The following TSHZ2 variants were observed in gnomAD, a reference collection of about 807,000 sequenced individuals.
The protein encoded by TSHZ2 is teashirt homolog 2.
Under a neutral mutation model 74.4 loss-of-function variants are expected in TSHZ2, and 21 were observed. The ratio of observed to expected loss-of-function variants is 0.28; its 90% CI spans 0.20 to 0.41. TSHZ2 has a LOEUF of 0.41. Among genes scored for constraint, TSHZ2 ranks in the 10% least tolerant of loss-of-function variants. TSHZ2 has a pLI of 1.00. For missense variants in TSHZ2, 1,244 were observed against 1,293.5 expected (o/e 0.96, Z 0.59); for synonymous variants, 540 against 515.3 (o/e 1.05, Z -0.65).
chr20:53,025,299 A>G (rs1983398475), intron 1 of TSHZ2, among the ~76,000 whole-genome samples: 1 of 152,132 alleles, frequency 6.6e-6, no homozygotes, highest in South Asian at 2.1e-4. Context: ...ATAATTTTTG[A>G]AGATCTTGGT....
intron 1 of TSHZ2, among the ~76,000 whole-genome samples, chr20:53,043,516 A>G (rs1237169788): frequency 6.6e-6 from 1 of 152,156 alleles, no homozygotes; most frequent in Non-Finnish European, 1.5e-5. Flanking sequence ...GTCTGAGTTT[A>G]TTATAATAAG....
intron 1 of TSHZ2, among the ~76,000 whole-genome samples, chr20:53,158,142 G>A (rs1244390636): frequency 6.6e-6 from 1 of 152,300 alleles, no homozygotes; most frequent in South Asian, 2.1e-4. Flanking sequence ...GAAGAAAACA[G>A]CCAAGACCCG....
rs556100597 is a variant in TSHZ2, at chr20:53,159,524, A to T, written c.41-93975A>T. ...ATGTTCTAGATAGAAAAAAAAATGAAGTACATCAAAGAGAATAAGTTATAG... is the reference window on the plus strand; with the variant it reads ...ATGTTCTAGATAGAAAAAAAAATGATGTACATCAAAGAGAATAAGTTATAG... On this transcript the variant is annotated intron_variant, in intron 1 of 2. Coordinates refer to ENST00000371497, the MANE Select transcript of TSHZ2 (RefSeq NM_173485.6). 2.0e-5 allele frequency among the ~76,000 whole-genome samples: 3 copies of T among 152,334 alleles called. No individual in the cohort carries two copies. In the East Asian group the frequency reaches 5.8e-4, roughly 29 times the overall value.
intron 1 of TSHZ2, among the ~76,000 whole-genome samples, chr20:53,143,253 A>C (rs1401922943): frequency 1.3e-5 from 2 of 152,218 alleles, no homozygotes; most frequent in African/African-American, 4.8e-5. Context: ...TACCACGTTT[A>C]CTAAATTCTG....
At chr20:53,412,583 G>A (rs1983091704) in intron 2 of TSHZ2, 1 of 152,222 alleles carries the variant, frequency 6.6e-6, no homozygotes, top group Non-Finnish European at 1.5e-5. Flanking sequence ...GGTTCCCTCT[G>A]GGCCGCCACT....
chr20:53,455,349 G>C (rs78550398), intron 2 of TSHZ2: 11,423 of 152,142 alleles, frequency 0.075, 535 homozygotes, highest in South Asian at 0.22. Context: ...TATCTGTCTT[G>C]TTCCTTGGTG....
At chr20:53,332,094 T>A (rs1269314132) in intron 2 of TSHZ2, among the ~76,000 whole-genome samples, 1 of 152,056 alleles carries the variant, frequency 6.6e-6, no homozygotes, top group Non-Finnish European at 1.5e-5. Context: ...GAAGGGCAGA[T>A]GAACTGGAGC....
chr20:53,036,582 A>G (rs1033439121), intron 1 of TSHZ2, among the ~76,000 whole-genome samples: 1 of 149,600 alleles, frequency 6.7e-6, no homozygotes, highest in Non-Finnish European at 1.5e-5. Flanking sequence ...GTAAAAATGT[A>G]TTCTACATTT....
At chr20:53,124,928 CACTCA>C (rs1336707198) in intron 1 of TSHZ2, among the ~76,000 whole-genome samples, 1 of 152,204 alleles carries the variant, frequency 6.6e-6, no homozygotes, top group Non-Finnish European at 1.5e-5. Context: ...ATGCAACAAC[CACTCA>C]ACTCTGCTGC....
At chr20:53,147,948 T>C (rs1432638712) in intron 1 of TSHZ2, among the ~76,000 whole-genome samples, 1 of 152,172 alleles carries the variant, frequency 6.6e-6, no homozygotes, top group Non-Finnish European at 1.5e-5. Context: ...ATTCCTGACC[T>C]TGCGATCTGC....
intron 1 of TSHZ2, among the ~76,000 whole-genome samples, chr20:53,181,959 A>G (rs1988479995): frequency 6.6e-6 from 1 of 152,234 alleles, no homozygotes; most frequent in South Asian, 2.1e-4. Context: ...TAGGTGAAGA[A>G]GTGATGGTAG....
At chr20:53,030,532 T>G (rs1983597393) in intron 1 of TSHZ2, among the ~76,000 whole-genome samples, 1 of 152,170 alleles carries the variant, frequency 6.6e-6, no homozygotes, top group Non-Finnish European at 1.5e-5. Context: ...GGTCAATTTT[T>G]TATATCATGG....
At chr20:53,266,270 G>A (rs893991676) in intron 2 of TSHZ2, among the ~76,000 whole-genome samples, 5 of 152,072 alleles carry the variant, frequency 3.3e-5, no homozygotes, top group African/African-American at 1.2e-4. Context: ...ATGAAGGAGG[G>A]ACACAGCATG....
intron 1 of TSHZ2, among the ~76,000 whole-genome samples, chr20:53,226,984 C>T (rs1266663837): frequency 2.0e-5 from 3 of 152,074 alleles, no homozygotes; most frequent in African/African-American, 4.8e-5. Context: ...TTTGTGGTCA[C>T]GGAAGTATCA....
intron 1 of TSHZ2, among the ~76,000 whole-genome samples, chr20:53,215,049 A>C (rs1466913135): frequency 6.6e-6 from 1 of 152,220 alleles, no homozygotes; most frequent in Non-Finnish European, 1.5e-5. Flanking sequence ...GGCGGGACCC[A>C]TAGGCTAATG....
At chr20:53,217,305 G>A (rs1048916604) in intron 1 of TSHZ2, among the ~76,000 whole-genome samples, 1 of 152,172 alleles carries the variant, frequency 6.6e-6, no homozygotes, top group Non-Finnish European at 1.5e-5. Context: ...TGGGCGCTCA[G>A]GGAGCAGAAG....
chr20:53,050,103 G>GTGTATA (rs1555819290), intron 1 of TSHZ2, among the ~76,000 whole-genome samples: 12 of 116,058 alleles, frequency 1.0e-4, no homozygotes, highest in African/African-American at 4.3e-4. Context: ...GTATATGTGT[G>GTGTATA]TATATATATA....
chr20:53,370,038 G>C (rs952561332), intron 2 of TSHZ2, among the ~76,000 whole-genome samples: 2 of 152,098 alleles, frequency 1.3e-5, no homozygotes, highest in Non-Finnish European at 2.9e-5. Flanking sequence ...GAGACGTCTG[G>C]TGGCATTCTG....
intron 2 of TSHZ2, among the ~76,000 whole-genome samples, chr20:53,402,960 A>T (rs918546236): frequency 2.6e-5 from 4 of 152,270 alleles, no homozygotes; most frequent in Admixed American, 6.5e-5. Flanking sequence ...CTTTTATTTC[A>T]GATACACGGG....
Sources: allele counts gnomAD v4.1 joint callset (sites outside exome capture counted in the v4.1 genomes callset), GRCh38; gene constraint gnomAD v4.1.1; transcripts MANE v1.5; gene names NCBI Gene and HGNC (gene_info 2026-07-23, HGNC 2026-07-21).